Variants in DLG2 observed in about 807,000 individuals in gnomAD.
The protein encoded by DLG2 is disks large homolog 2.
Under a neutral mutation model 132.5 loss-of-function variants are expected in DLG2, and 45 were observed. The ratio of observed to expected loss-of-function variants is 0.34; its 90% CI spans 0.27 to 0.44. The LOEUF (loss-of-function observed/expected upper bound fraction) is 0.44. Among genes scored for constraint, DLG2 ranks in the 20% least tolerant of loss-of-function variants. DLG2 has a pLI of 1.00. For missense variants in DLG2, 1,045 were observed against 1,196.9 expected (o/e 0.87, Z 1.87); for synonymous variants, 424 against 419.6 (o/e 1.01, Z -0.13).
intron 6 of DLG2, among the ~76,000 whole-genome samples, chr11:84,665,677 GT>G (rs1437720841): frequency 6.6e-6 from 1 of 152,074 alleles, no homozygotes; most frequent in Non-Finnish European, 1.5e-5. Context: ...ACATTTTATA[GT>G]TTTGTTGTAA....
intron 16 of DLG2, among the ~76,000 whole-genome samples, chr11:83,843,191 A>G (rs1365032541): frequency 6.6e-6 from 1 of 152,174 alleles, no homozygotes; most frequent in South Asian, 2.1e-4. Flanking sequence ...TCAGCCTTAC[A>G]AAGTTGCCAA....
intron 7 of DLG2, among the ~76,000 whole-genome samples, chr11:84,417,673 T>C (rs2098934419): frequency 6.6e-6 from 1 of 152,202 alleles, no homozygotes; most frequent in Non-Finnish European, 1.5e-5. Context: ...TTCTTTAAGA[T>C]GTCATCTCAC....
chr11:85,221,135 T>C (rs2074613557), intron 4 of DLG2, among the ~76,000 whole-genome samples: 1 of 151,568 alleles, frequency 6.6e-6, no homozygotes, highest in South Asian at 2.1e-4. Context: ...CTCTGCCCCC[T>C]GGGTTCATGC....
chr11:83,917,524 CA>C (rs2077111617), intron 15 of DLG2, among the ~76,000 whole-genome samples: 1 of 152,144 alleles, frequency 6.6e-6, no homozygotes, highest in Non-Finnish European at 1.5e-5. Flanking sequence ...TGATGAAAAT[CA>C]GTTTCTGTGT....
chr11:84,162,629 G>A (rs1439233625), intron 9 of DLG2, among the ~76,000 whole-genome samples: 2 of 152,060 alleles, frequency 1.3e-5, no homozygotes, highest in Non-Finnish European at 2.9e-5. Context: ...GTCAAAGAGT[G>A]TATTCATTTT....
At chr11:85,494,016 G>A (rs909644348) in intron 3 of DLG2, among the ~76,000 whole-genome samples, 4 of 152,104 alleles carry the variant, frequency 2.6e-5, no homozygotes. Context: ...GAAAAATCAT[G>A]TCTTCATATG....
At chr11:84,153,404 A>T (rs2154253105) in intron 9 of DLG2, among the ~76,000 whole-genome samples, 1 of 152,196 alleles carries the variant, frequency 6.6e-6, no homozygotes, top group South Asian at 2.1e-4. Context: ...AACTGGGGAC[A>T]TGTTCATGAA....
At chr11:84,569,047 A>C (rs1287282306) in intron 6 of DLG2, among the ~76,000 whole-genome samples, 5 of 152,154 alleles carry the variant, frequency 3.3e-5, no homozygotes, top group Non-Finnish European at 5.9e-5. Context: ...GACCAGAAGT[A>C]ATAGCAGTAC....
chr11:84,117,411 G>A (rs1021994004), intron 9 of DLG2, among the ~76,000 whole-genome samples: 2 of 152,166 alleles, frequency 1.3e-5, no homozygotes, highest in South Asian at 2.1e-4. Flanking sequence ...AACTAAGTGG[G>A]AGACTTGGTT....
At position 83,957,040 on chromosome 11, in the gene DLG2, G is replaced by T. The variant is rs1054776660; in HGVS notation, c.1340+5845C>A. On this transcript the variant is annotated intron_variant, in intron 14 of 27. Transcript: ENST00000376104. ...AGAAAAATAACGTAGTTTGTAATAA[G>T]AATATTTTTACTTTAAAGCAAACAA... Among the ~76,000 whole-genome samples, 4 of 152,124 alleles carry T rather than the reference G, an allele frequency of 2.6e-5. No individual in the cohort carries two copies. The South Asian group carries it at 8.3e-4, about 32-fold the overall frequency.
chr11:83,959,145 G>C (rs1297851955), intron 14 of DLG2, among the ~76,000 whole-genome samples: 1 of 152,006 alleles, frequency 6.6e-6, no homozygotes, highest in Non-Finnish European at 1.5e-5. Context: ...TTTTATTTGT[G>C]ACTTTTCTTC....
At chr11:83,506,869 C>T (rs1223516606) in intron 21 of DLG2, among the ~76,000 whole-genome samples, 2 of 152,170 alleles carry the variant, frequency 1.3e-5, no homozygotes, top group South Asian at 2.1e-4. Context: ...CCTTTCATTG[C>T]AGGTCAGCCA....
At chr11:83,660,945 G>A (rs2074107407) in intron 18 of DLG2, among the ~76,000 whole-genome samples, 1 of 152,084 alleles carries the variant, frequency 6.6e-6, no homozygotes, top group Admixed American at 6.6e-5. Context: ...CACCTGCTTA[G>A]TGTTGGAGAT....
chr11:83,769,683 C>T (rs1594034089), intron 18 of DLG2, among the ~76,000 whole-genome samples: 1 of 151,738 alleles, frequency 6.6e-6, no homozygotes, highest in Admixed American at 6.6e-5. Flanking sequence ...CCTGCCTTAG[C>T]TTCCCAAGTA....
intron 8 of DLG2, among the ~76,000 whole-genome samples, chr11:84,247,612 CT>C (rs977625286): frequency 6.6e-5 from 10 of 152,172 alleles, no homozygotes; most frequent in Middle Eastern, 3.2e-3. Flanking sequence ...ACAGAGCTTA[CT>C]TAAGGCATTT....
At chr11:85,152,109 AAC>A (rs2077295609) in intron 5 of DLG2, among the ~76,000 whole-genome samples, 1 of 152,330 alleles carries the variant, frequency 6.6e-6, no homozygotes, top group East Asian at 1.9e-4. Context: ...GCAGCTATTT[AAC>A]AGAGTATAAA....
intron 6 of DLG2, among the ~76,000 whole-genome samples, chr11:84,885,410 T>C (rs1461099231): frequency 2.6e-5 from 4 of 151,964 alleles, no homozygotes; most frequent in Admixed American, 6.6e-5. Flanking sequence ...TCATAGCTTA[T>C]TGCGGCCTCA....
At chr11:84,824,755 C>T (rs964810495) in intron 6 of DLG2, among the ~76,000 whole-genome samples, 1 of 151,862 alleles carries the variant, frequency 6.6e-6, no homozygotes, top group Non-Finnish European at 1.5e-5. Context: ...TGTGTATGGT[C>T]ATAGGCAAAA....
chr11:83,697,665 G>C (rs758347554), intron 18 of DLG2, among the ~76,000 whole-genome samples: 2 of 152,208 alleles, frequency 1.3e-5, no homozygotes, highest in East Asian at 3.9e-4. Flanking sequence ...TTATGTCTTC[G>C]GGGCATGGCA....
Sources: gnomAD v4.1 joint callset for allele counts (sites outside exome capture counted in the v4.1 genomes callset) on GRCh38, gnomAD v4.1.1 for gene constraint, MANE v1.5 for transcripts, NCBI Gene and HGNC (gene_info 2026-07-23, HGNC 2026-07-21) for gene names.